The following AMPH variants were observed in gnomAD, a reference collection of about 807,000 sequenced individuals.
The protein encoded by AMPH is amphiphysin (Stiff-Mann syndrome with breast cancer 128kD autoantigen).
A neutral mutation model predicts 99.1 loss-of-function variants in AMPH; 49 were observed. The observed-to-expected ratio is 0.49, with a 90% CI of 0.39 to 0.63. The LOEUF is 0.63. Ranked by LOEUF, AMPH falls within the 20% of genes least tolerant of loss-of-function variation. The pLI is 0.00. For synonymous variants in AMPH, 314 were observed against 317.3 expected, an observed-to-expected ratio of 0.99 and a Z score of 0.11; for missense variants, 759 against 863.4, an observed-to-expected ratio of 0.88 and a Z score of 1.52.
chr7:38,558,787 G>T (rs1023462697), intron 1 of AMPH, among the ~76,000 whole-genome samples: 1 of 152,184 alleles, frequency 6.6e-6, no homozygotes, highest in Non-Finnish European at 1.5e-5. Context: ...GTACTCCGGT[G>T]ACCCAGGCCA....
chr7:38,385,199 A>G lies in AMPH; in HGVS notation c.1981-274T>C, dbSNP rs536173423. 1.2e-4 allele frequency among the ~76,000 whole-genome samples: 18 copies of G among 152,350 alleles called. No homozygotes were observed. The East Asian group carries it at 3.5e-3, about 29-fold the overall frequency. On this transcript the variant is annotated intron_variant, in intron 20 of 20. Coordinates refer to ENST00000356264, the MANE Select transcript of AMPH (RefSeq NM_001635.4). Reference sequence around the variant, plus strand: ...ATGCTTTGTACATTGTGACTGTACAAAGCATAGTTAATTGATATTAACTGG... The same window carrying G: ...ATGCTTTGTACATTGTGACTGTACAGAGCATAGTTAATTGATATTAACTGG...
intron 1 of AMPH, among the ~76,000 whole-genome samples, chr7:38,538,545 G>A (rs1790695375): frequency 6.6e-6 from 1 of 152,220 alleles, no homozygotes; most frequent in African/African-American, 2.4e-5. Context: ...GAGAGCCAAT[G>A]AAGTGTTTCT....
At chr7:38,399,430 GAA>G (rs1784780720) in intron 17 of AMPH, among the ~76,000 whole-genome samples, 1 of 152,160 alleles carries the variant, frequency 6.6e-6, no homozygotes, top group Non-Finnish European at 1.5e-5. Flanking sequence ...CTGACCGCAA[GAA>G]TAGAACAACA....
intron 17 of AMPH, among the ~76,000 whole-genome samples, chr7:38,406,874 A>T (rs1356278838): frequency 6.7e-6 from 1 of 149,002 alleles, no homozygotes; most frequent in Non-Finnish European, 1.5e-5. Context: ...TTGGCATCAC[A>T]CAGAGCTTCA....
intron 2 of AMPH, among the ~76,000 whole-genome samples, chr7:38,523,107 TAA>T (rs60807450): frequency 8.0e-4 from 106 of 132,716 alleles, no homozygotes; most frequent in Middle Eastern, 4.1e-3. Flanking sequence ...AAACTCTGTC[TAA>T]AAAAAAAAAA....
intron 1 of AMPH, among the ~76,000 whole-genome samples, chr7:38,606,139 C>T (rs986364773): frequency 6.6e-6 from 1 of 152,120 alleles, no homozygotes; most frequent in Admixed American, 6.5e-5. Context: ...AAGCCCAGTC[C>T]CCATGCTTTA....
intron 2 of AMPH, among the ~76,000 whole-genome samples, chr7:38,526,345 C>T (rs1790185344): frequency 6.6e-6 from 1 of 150,438 alleles, no homozygotes; most frequent in Non-Finnish European, 1.5e-5. Flanking sequence ...TCTCAGCTCA[C>T]TGCAACCTCC....
At chr7:38,628,706 A>G (rs1794346051) in intron 1 of AMPH, among the ~76,000 whole-genome samples, 1 of 152,236 alleles carries the variant, frequency 6.6e-6, no homozygotes, top group African/African-American at 2.4e-5. Context: ...TACATATCAA[A>G]TGGTAGTAAA....
At chr7:38,580,316 A>C (rs938737289) in intron 1 of AMPH, among the ~76,000 whole-genome samples, 5 of 152,144 alleles carry the variant, frequency 3.3e-5, no homozygotes, top group Non-Finnish European at 7.4e-5. Context: ...AAGCATGTAA[A>C]ACCCTGCATT....
chr7:38,603,860 C>T (rs1040903795), intron 1 of AMPH, among the ~76,000 whole-genome samples: 6 of 152,138 alleles, frequency 3.9e-5, no homozygotes, highest in Admixed American at 1.3e-4. Context: ...GTATTCAGAC[C>T]GTGCTCTCAT....
At chr7:38,404,445 G>C (rs1043078634) in intron 17 of AMPH, among the ~76,000 whole-genome samples, 6 of 152,120 alleles carry the variant, frequency 3.9e-5, no homozygotes, top group Non-Finnish European at 7.3e-5. Context: ...AGAAGACAGT[G>C]TATCAGTTCA....
At chr7:38,542,516 C>G (rs1484939384) in intron 1 of AMPH, among the ~76,000 whole-genome samples, 1 of 152,190 alleles carries the variant, frequency 6.6e-6, no homozygotes, top group Non-Finnish European at 1.5e-5. Flanking sequence ...GTAATCTATC[C>G]TGCATCAGAG....
intron 1 of AMPH, among the ~76,000 whole-genome samples, chr7:38,623,443 A>G (rs1384430777): frequency 6.6e-6 from 1 of 152,148 alleles, no homozygotes; most frequent in Non-Finnish European, 1.5e-5. Context: ...AGGAAACTCT[A>G]CTCTGTTAAG....
At chr7:38,579,422 G>A (rs532604472) in intron 1 of AMPH, among the ~76,000 whole-genome samples, 3 of 152,280 alleles carry the variant, frequency 2.0e-5, no homozygotes, top group East Asian at 1.9e-4. Flanking sequence ...TTCAACGTAG[G>A]TATGGGTGAC....
chr7:38,512,369 G>C (rs1789573011), intron 2 of AMPH, among the ~76,000 whole-genome samples: 1 of 152,176 alleles, frequency 6.6e-6, no homozygotes, highest in Non-Finnish European at 1.5e-5. Flanking sequence ...CCCTGGGCTT[G>C]GATGAGAGAT....
rs140832560 is a variant in AMPH, at chr7:38,534,943, G to A, written c.138C>T (p.Phe46=). ...DEQFEEYVQN[F]KRQEAEGTRL... is the part of the protein sequence containing the mutation. ...CAAATGGACTCACTTCTTGCCGTTTGAAGTTCTGGACATATTCTTCGAACT... is the reference window on the plus strand; with the variant it reads ...CAAATGGACTCACTTCTTGCCGTTTAAAGTTCTGGACATATTCTTCGAACT... The change falls in exon 2 of 21, where the codon TTC becomes TTT. Residue 46 remains phenylalanine, a synonymous_variant. Coordinates refer to ENST00000356264, the MANE Select transcript of AMPH (RefSeq NM_001635.4). 301 of 1,613,758 alleles carry A rather than the reference G, an allele frequency of 1.9e-4. 2 individuals carry two copies. The highest frequency in any genetic ancestry group is 4.7e-5 in the Non-Finnish European group (56 of 1,179,856).
At chr7:38,419,349 T>A (rs1785504192) in intron 16 of AMPH, among the ~76,000 whole-genome samples, 2 of 151,320 alleles carry the variant, frequency 1.3e-5, no homozygotes, top group African/African-American at 4.9e-5. Context: ...CACCAAATCA[T>A]TCCATTTTTA....
intron 1 of AMPH, among the ~76,000 whole-genome samples, chr7:38,574,502 A>G (rs1364018630): frequency 6.6e-6 from 1 of 152,236 alleles, no homozygotes; most frequent in Non-Finnish European, 1.5e-5. Context: ...AAGATTTAGG[A>G]AGCTGAAATG....
intron 11 of AMPH, among the ~76,000 whole-genome samples, chr7:38,450,900 T>A (rs1208705363): frequency 6.6e-6 from 1 of 151,914 alleles, no homozygotes; most frequent in Non-Finnish European, 1.5e-5. Flanking sequence ...TTTCTTTTTT[T>A]TTTTTTTGAG....
Sources: gnomAD v4.1 joint callset for allele counts (sites outside exome capture counted in the v4.1 genomes callset) on GRCh38, gnomAD v4.1.1 for gene constraint, MANE v1.5 for transcripts, NCBI Gene and HGNC (gene_info 2026-07-23, HGNC 2026-07-21) for gene names.